SPIRE1: variants seen among roughly 807,000 people sequenced by gnomAD.
SPIRE1 encodes the protein spire type actin nucleation factor 1.
In SPIRE1, 40 loss-of-function variants were observed where a neutral mutation model predicts 94.1. That is an observed-to-expected ratio of 0.43 (90% confidence interval 0.33 to 0.55). The LOEUF is 0.55. Ranked by LOEUF, SPIRE1 falls within the 20% of genes least tolerant of loss-of-function variation. The pLI, the probability that SPIRE1 is intolerant of heterozygous loss-of-function variation, is 0.06. For synonymous variants in SPIRE1, 376 were observed against 371.7 expected (o/e 1.01, Z -0.13); for missense variants, 838 against 975.2 (o/e 0.86, Z 1.87).
chr18:12,534,850 C>T (rs934055078), intron 4 of SPIRE1, among the ~76,000 whole-genome samples: 16 of 152,174 alleles, frequency 1.1e-4, no homozygotes, highest in African/African-American at 3.9e-4. Context: ...TGAGCCTGCA[C>T]CTGGCCCCCT....
At chr18:12,458,911 C>A (rs2031657986) in intron 12 of SPIRE1, among the ~76,000 whole-genome samples, 1 of 152,148 alleles carries the variant, frequency 6.6e-6, no homozygotes, top group Non-Finnish European at 1.5e-5. Flanking sequence ...CTTTCCATAT[C>A]AAGATGACTA....
intron 1 of SPIRE1, among the ~76,000 whole-genome samples, chr18:12,649,997 T>G (rs1184168493): frequency 6.6e-6 from 1 of 152,176 alleles, no homozygotes; most frequent in East Asian, 1.9e-4. Flanking sequence ...CCCAGCACTT[T>G]GGGAGACCAA....
intron 2 of SPIRE1, among the ~76,000 whole-genome samples, chr18:12,631,846 C>T (rs2037789816): frequency 6.6e-6 from 1 of 152,120 alleles, no homozygotes; most frequent in African/African-American, 2.4e-5. Context: ...GTCTGGGTGA[C>T]AGAGTGAGAC....
At chr18:12,536,510 G>GT (rs999919416) in intron 3 of SPIRE1, among the ~76,000 whole-genome samples, 1 of 145,596 alleles carries the variant, frequency 6.9e-6, no homozygotes, top group African/African-American at 2.5e-5. Context: ...TTGTAACGTA[G>GT]TAAAAAAAAA....
In SPIRE1 at chr18:12,512,504, T is replaced by C. The variant is rs1462806621; in HGVS notation, c.757A>G (p.Lys253Glu). 6.2e-7 allele frequency: 1 copy of C among 1,611,894 alleles called. No individual in the cohort carries two copies. Among genetic ancestry groups the C allele is most frequent in the Admixed American group, 1.7e-5 (1 of 59,890 alleles). The change falls in exon 5 of 17, where the codon AAG becomes GAG. Residue 253 changes from lysine (K) to glutamate (E), a missense_variant. Lys to Glu is a moderately conservative substitution (Grantham distance 56). Coordinates refer to ENST00000409402, the MANE Select transcript of SPIRE1 (RefSeq NM_001128626.2). ...AAGTCTGTGCTAGATTCATCGCTCT[T>C]TTCCATTTCTTGAATCTTCTTAAGA... Reference protein sequence around the residue: ...ENLKKIQEMEKSDESSTDLEE... With the variant: ...ENLKKIQEMEESDESSTDLEE...
chr18:12,579,186 TACACACACACACATAC>T (rs1473493730), intron 2 of SPIRE1, among the ~76,000 whole-genome samples: 1,374 of 108,562 alleles, frequency 0.013, 23 homozygotes, highest in African/African-American at 0.042. Flanking sequence ...GGAAAAAGTT[TACACACACACACATAC>T]ACACACACAC....
chr18:12,603,808 T>C (rs751034604), intron 2 of SPIRE1, among the ~76,000 whole-genome samples: 2 of 152,106 alleles, frequency 1.3e-5, no homozygotes, highest in African/African-American at 2.4e-5. Context: ...CTCCTGACCT[T>C]GTGATCTGCC....
chr18:12,624,542 C>CAA lies in SPIRE1; in HGVS notation c.372+10518_372+10519dup, dbSNP rs549240260. ...TGGGTGACAGAGCAAGACACTGACT[C>CAA]AAAAAAAAAAAAAAAAAAATCTACA... is the stretch of plus-strand genomic sequence containing the variant. On this transcript the variant is annotated intron_variant, in intron 2 of 16. Transcript: ENST00000409402. 2.6e-3 allele frequency among the ~76,000 whole-genome samples: 200 copies of CAA among 75,598 alleles called. 1 individual carries two copies. Among genetic ancestry groups the CAA allele is most frequent in the South Asian group, 3.6e-3 (8 of 2,222 alleles). 49.6% of individuals were successfully genotyped at this position (75,598 alleles called of 152,430 possible). A position where few individuals can be genotyped will look rare whatever the true frequency, so the allele number is the denominator to read the frequency against.
At chr18:12,543,608 C>T (rs1238860171) in intron 3 of SPIRE1, among the ~76,000 whole-genome samples, 1 of 152,186 alleles carries the variant, frequency 6.6e-6, no homozygotes, top group Non-Finnish European at 1.5e-5. Context: ...GATATAAAGG[C>T]ACTTTTCAAC....
intron 2 of SPIRE1, among the ~76,000 whole-genome samples, chr18:12,547,694 C>T (rs1385609607): frequency 6.6e-6 from 1 of 152,178 alleles, no homozygotes; most frequent in East Asian, 1.9e-4. Flanking sequence ...GTAATCCCAG[C>T]ACTTTGGGAG....
At chr18:12,497,550 C>T (rs914121361) in intron 6 of SPIRE1, among the ~76,000 whole-genome samples, 11 of 152,092 alleles carry the variant, frequency 7.2e-5, no homozygotes, top group Non-Finnish European at 1.2e-4. Flanking sequence ...CTCTTCCTCC[C>T]TATGCTAGTC....
chr18:12,645,247 G>C (rs904376227), intron 1 of SPIRE1, among the ~76,000 whole-genome samples: 11 of 152,094 alleles, frequency 7.2e-5, no homozygotes, highest in African/African-American at 2.4e-4. Flanking sequence ...TCCATGTTAT[G>C]GTGTGACATT....
At chr18:12,519,473 T>C (rs2034298600) in intron 4 of SPIRE1, among the ~76,000 whole-genome samples, 1 of 152,200 alleles carries the variant, frequency 6.6e-6, no homozygotes, top group South Asian at 2.1e-4. Flanking sequence ...ACTGACATTA[T>C]CTGCTAATAC....
At chr18:12,554,069 G>T (rs1189050621) in intron 2 of SPIRE1, among the ~76,000 whole-genome samples, 3 of 152,152 alleles carry the variant, frequency 2.0e-5, no homozygotes, top group Non-Finnish European at 4.4e-5. Flanking sequence ...GGGAGGCCAA[G>T]GTGGGTGGAT....
In SPIRE1 at chr18:12,544,494, G is replaced by A. The variant is rs117814350; in HGVS notation, c.603+2180C>T. ...GCTGGGATTACAGGCATCAGCTATC[G>A]CGCCCAGTCGTTTTTTTTTTTTTCC... is the stretch of plus-strand genomic sequence containing the variant. On this transcript the variant is annotated intron_variant, in intron 3 of 16. Transcript: ENST00000409402. Among the ~76,000 whole-genome samples the A allele has an allele frequency of 2.9e-3, 440 of 151,072 alleles. 1 individual carries two copies. The highest frequency in any genetic ancestry group is 4.9e-3 in the Non-Finnish European group (330 of 67,780).
At position 12,490,912 on chromosome 18, in the gene SPIRE1, C is replaced by T. The variant is rs551456214; in HGVS notation, c.1189+2160G>A. On this transcript the variant is annotated intron_variant, in intron 8 of 16. Coordinates refer to ENST00000409402, the MANE Select transcript of SPIRE1 (RefSeq NM_001128626.2). ...GACCACTTCTATATTCAACATAGTA[C>T]TGGTAGTTCTAGCCAGAGCAGTTAG... Among the ~76,000 whole-genome samples, 30 of 152,184 alleles carry T rather than the reference C, an allele frequency of 2.0e-4. 1 individual carries two copies. The South Asian group carries it at 6.2e-3, about 32-fold the overall frequency.
At chr18:12,548,608 T>C (rs1394123704) in intron 2 of SPIRE1, among the ~76,000 whole-genome samples, 4 of 151,602 alleles carry the variant, frequency 2.6e-5, no homozygotes, top group Non-Finnish European at 5.9e-5. Context: ...TTCTTTCTTT[T>C]TTTTTTTTTT....
intron 5 of SPIRE1, among the ~76,000 whole-genome samples, chr18:12,508,475 A>G (rs2143999900): frequency 6.6e-6 from 1 of 152,138 alleles, no homozygotes; most frequent in East Asian, 1.9e-4. Context: ...CTAAAATAAT[A>G]CCCCTAAAAT....
At chr18:12,634,975 C>A in intron 2 of SPIRE1, 87 bp downstream of exon 2, 1 of 696,970 alleles carries the variant, frequency 1.4e-6, no homozygotes, top group East Asian at 2.9e-5. Context: ...AGACCAAGAA[C>A]CTATAGTGAG....
Sources: allele counts gnomAD v4.1 joint callset (sites outside exome capture counted in the v4.1 genomes callset), GRCh38; gene constraint gnomAD v4.1.1; transcripts MANE v1.5; gene names NCBI Gene and HGNC (gene_info 2026-07-23, HGNC 2026-07-21).